The following SVOPL variants were observed in gnomAD, a reference collection of about 807,000 sequenced individuals.
SVOPL encodes the protein SVOP like, also known as putative transporter SVOPL.
In SVOPL, 60 loss-of-function variants were observed where a neutral mutation model predicts 61.0. The ratio of observed to expected loss-of-function variants is 0.98; its 90% CI spans 0.80 to 1.22. The LOEUF is 1.22. Among genes scored for constraint, SVOPL ranks in the 50% most tolerant of loss-of-function variants. SVOPL has a pLI of 0.00. For missense variants in SVOPL, 662 were observed against 643.9 expected, an observed-to-expected ratio of 1.03 and a Z score of -0.30; for synonymous variants, 279 against 250.0, an observed-to-expected ratio of 1.12 and a Z score of -1.09.
intron 14 of SVOPL, among the ~76,000 whole-genome samples, chr7:138,612,429 T>TAAAAAAAAAAAAAAAAAAAAAAAAAAA (rs1799084478): frequency 2.6e-5 from 2 of 78,076 alleles, no homozygotes; most frequent in Admixed American, 1.3e-4. Context: ...AAAAATAAAA[T>TAAAAAAAAAAAAAAAAAAAAAAAAAAA]AAAAAATAAA....
intron 4 of SVOPL, among the ~76,000 whole-genome samples, chr7:138,664,032 TAC>T (rs1802134399): frequency 6.6e-6 from 1 of 152,132 alleles, no homozygotes; most frequent in South Asian, 2.1e-4. Context: ...TCCTGCACGC[TAC>T]ACTTTCTAGG....
chr7:138,674,280 G>A (rs1584862073), intron 3 of SVOPL, among the ~76,000 whole-genome samples: 1 of 151,760 alleles, frequency 6.6e-6, no homozygotes, highest in East Asian at 1.9e-4. Flanking sequence ...AGCTGCTGTG[G>A]ATGCTGTTAT....
At chr7:138,601,263 A>AC (rs1443315018) in intron 14 of SVOPL, among the ~76,000 whole-genome samples, 2 of 151,588 alleles carry the variant, frequency 1.3e-5, no homozygotes, top group African/African-American at 2.4e-5. Context: ...AAAAAAAAAA[A>AC]AAAAAAGAAA....
At chr7:138,621,577 GTTC>G (rs1477263180) in intron 13 of SVOPL, among the ~76,000 whole-genome samples, 1 of 152,116 alleles carries the variant, frequency 6.6e-6, no homozygotes, top group Non-Finnish European at 1.5e-5. Context: ...CATTCCCTGT[GTTC>G]TTATTTTTAC....
rs142039722 is a variant in SVOPL at position 138,625,980 on chromosome 7, A to G, written c.1252T>C (p.Tyr418His). 53 of 1,614,108 alleles carry G rather than the reference A, an allele frequency of 3.3e-5. No individual in the cohort carries two copies. The South Asian group carries it at 4.7e-4, about 14-fold the overall frequency. The change falls in exon 13 of 16, where the codon TAC (tyrosine) becomes CAC (histidine). Residue 418 changes from tyrosine (Y) to histidine (H), a missense_variant. Transcript: ENST00000674285. ...GCATGAAAACTCACCTCAGCTGTGT[A>G]AATGTAGACGGTGTTGAAGTTTGCA... ...VAANFNTVYI[Y>H]TAEVYPTTMR...
intron 6 of SVOPL, among the ~76,000 whole-genome samples, chr7:138,658,494 TG>T (rs1304632608): frequency 6.6e-6 from 1 of 152,182 alleles, no homozygotes; most frequent in Non-Finnish European, 1.5e-5. Context: ...CTGTCCAGGC[TG>T]GTCTTGAACT....
intron 6 of SVOPL, among the ~76,000 whole-genome samples, chr7:138,659,648 C>T (rs1427293955): frequency 1.3e-5 from 2 of 152,012 alleles, no homozygotes; most frequent in African/African-American, 4.8e-5. Context: ...ACAAGCTATA[C>T]CCCAACTACC....
chr7:138,598,225 C>T (rs986595323), intron 14 of SVOPL, among the ~76,000 whole-genome samples: 6 of 151,876 alleles, frequency 4.0e-5, no homozygotes, highest in African/African-American at 1.5e-4. Context: ...TAAAAAGCAG[C>T]CCAGACCAGG....
At chr7:138,624,709 T>TA (rs1554458259) in intron 13 of SVOPL, among the ~76,000 whole-genome samples, 31,441 of 150,408 alleles carry the variant, frequency 0.21, 4,118 homozygotes, top group Middle Eastern at 0.31. Flanking sequence ...TTTTTTTTTT[T>TA]AATTTAGAGA....
chr7:138,660,452 C>T, intron 5 of SVOPL: 4 of 988,318 alleles, frequency 4.0e-6, no homozygotes, highest in Non-Finnish European at 4.8e-6. Context: ...TTGTCCAACC[C>T]AGAGAAGATA....
chr7:138,672,662 A>AAAAAAAAG (rs1802456641), intron 3 of SVOPL, among the ~76,000 whole-genome samples: 1 of 149,948 alleles, frequency 6.7e-6, no homozygotes, highest in East Asian at 2.0e-4. Flanking sequence ...TGTTTAAAAA[A>AAAAAAAAG]AAAAAAAAAA....
At chr7:138,598,813 G>A (rs542046662) in intron 14 of SVOPL, among the ~76,000 whole-genome samples, 3 of 152,126 alleles carry the variant, frequency 2.0e-5, no homozygotes, top group Admixed American at 1.3e-4. Context: ...AACAAGAAAT[G>A]TATAAGAAAA....
chr7:138,639,937 G>A lies in SVOPL; in HGVS notation c.789+4780C>T, dbSNP rs567798131. Among the ~76,000 whole-genome samples the A allele has an allele frequency of 5.3e-5, 8 of 151,656 alleles. No individual in the cohort carries two copies. In the East Asian group the frequency reaches 5.9e-4, roughly 11 times the overall value. ...CTGTTTTTTTTTTTTAGCGGGGAGC[G>A]GTAAAAAGGGGTCCTGTTTTGATGC... On this transcript the variant is annotated intron_variant, in intron 9 of 15. Transcript: ENST00000674285.
chr7:138,672,921 AAAG>A (rs1007307719), intron 3 of SVOPL, among the ~76,000 whole-genome samples: 10 of 151,368 alleles, frequency 6.6e-5, no homozygotes, highest in Non-Finnish European at 1.3e-4. Context: ...AAAAAAAAAA[AAAG>A]AAGGAGATGC....
chr7:138,644,685 G>A (rs569230292), intron 9 of SVOPL, 32 bp downstream of exon 9: 2 of 1,610,658 alleles, frequency 1.2e-6, no homozygotes, highest in South Asian at 2.2e-5. Context: ...GGCCACTGGT[G>A]ATAGGAGAAG....
At chr7:138,661,651 G>A in intron 5 of SVOPL, 2 of 966,114 alleles carry the variant, frequency 2.1e-6, no homozygotes, top group Non-Finnish European at 2.5e-6. Flanking sequence ...CAAGAAAGAT[G>A]TAGAATCAGC....
At chr7:138,667,997 C>T (rs1164402211) in intron 4 of SVOPL, among the ~76,000 whole-genome samples, 1 of 152,196 alleles carries the variant, frequency 6.6e-6, no homozygotes, top group African/African-American at 2.4e-5. Context: ...GTTTAGGAGT[C>T]ACGCAGCTGG....
intron 1 of SVOPL, among the ~76,000 whole-genome samples, chr7:138,700,160 T>A (rs1404064932): frequency 6.6e-6 from 1 of 152,100 alleles, no homozygotes; most frequent in Admixed American, 6.6e-5. Flanking sequence ...ATGAAATGTA[T>A]TTTCTTGGTA....
At chr7:138,676,347 T>C (rs1220781857) in intron 3 of SVOPL, among the ~76,000 whole-genome samples, 2 of 152,192 alleles carry the variant, frequency 1.3e-5, no homozygotes, top group Admixed American at 6.5e-5. Context: ...CTAAATTCAT[T>C]TTCTCACAGT....
Sources: gnomAD v4.1 joint callset for allele counts (sites outside exome capture counted in the v4.1 genomes callset) on GRCh38, gnomAD v4.1.1 for gene constraint, MANE v1.5 for transcripts, NCBI Gene and HGNC (gene_info 2026-07-23, HGNC 2026-07-21) for gene names.